DPYSL5: variants seen among roughly 807,000 people sequenced by gnomAD.
DPYSL5 encodes dihydropyrimidinase-related protein 5.
In DPYSL5, 9 loss-of-function variants were observed where a neutral mutation model predicts 58.4. The ratio of observed to expected loss-of-function variants is 0.15; its 90% confidence interval spans 0.09 to 0.27. The LOEUF is 0.27. DPYSL5 is among the 10% of genes least tolerant of loss of function. DPYSL5 has a pLI of 1.00. For missense variants in DPYSL5, 499 were observed against 770.6 expected (o/e 0.65, Z 4.17); for synonymous variants, 293 against 301.9 (o/e 0.97, Z 0.31).
At chr2:26,912,871 T>C (rs1285415558) in intron 2 of DPYSL5, among the ~76,000 whole-genome samples, 1 of 152,162 alleles carries the variant, frequency 6.6e-6, no homozygotes, top group Non-Finnish European at 1.5e-5. Context: ...TGCAGTTAGG[T>C]CCGATTTCAC....
chr2:26,907,486 C>T (rs1042194911), intron 2 of DPYSL5, among the ~76,000 whole-genome samples: 1 of 152,112 alleles, frequency 6.6e-6, no homozygotes, highest in Non-Finnish European at 1.5e-5. Flanking sequence ...TGCCTGATGT[C>T]GTGTCCCTGC....
intron 1 of DPYSL5, among the ~76,000 whole-genome samples, chr2:26,863,593 G>C (rs1422844347): frequency 1.3e-5 from 2 of 152,180 alleles, no homozygotes; most frequent in African/African-American, 4.8e-5. Flanking sequence ...CCCATACTAA[G>C]TGTGCAATGC....
intron 1 of DPYSL5, among the ~76,000 whole-genome samples, chr2:26,897,039 C>G (rs1445907786): frequency 6.6e-6 from 1 of 152,070 alleles, no homozygotes; most frequent in Non-Finnish European, 1.5e-5. Flanking sequence ...AACTTGTGGC[C>G]TTGCTTATTT....
chr2:26,879,596 T>A (rs1389738432), intron 1 of DPYSL5, among the ~76,000 whole-genome samples: 2 of 152,016 alleles, frequency 1.3e-5, no homozygotes, highest in Non-Finnish European at 2.9e-5. Context: ...GAAGTTAGCA[T>A]ATGGACCTCC....
intron 2 of DPYSL5, among the ~76,000 whole-genome samples, chr2:26,909,067 G>T (rs949365604): frequency 6.6e-6 from 1 of 152,138 alleles, no homozygotes; most frequent in Non-Finnish European, 1.5e-5. Context: ...TCATTTACAG[G>T]TAGAAATTTG....
In DPYSL5 at chr2:26,941,801, A is replaced by G. The variant is rs1053895964; in HGVS notation, c.1090-149A>G. On this transcript the variant is annotated intron_variant, in intron 9 of 12. Coordinates refer to ENST00000288699, the MANE Select transcript of DPYSL5 (RefSeq NM_020134.4). ...GGGACCCAGCCAAGCAGGCTGGCTCATCTGAGATGGTGCTCATGGCCTTGT... is the reference window on the plus strand; with the variant it reads ...GGGACCCAGCCAAGCAGGCTGGCTCGTCTGAGATGGTGCTCATGGCCTTGT... 9 of 1,045,868 alleles carry G rather than the reference A, an allele frequency of 8.6e-6. No homozygotes were observed. The African/African-American group carries it at 1.1e-4, about 13-fold the overall frequency. 64.8% of individuals were successfully genotyped at this position (1,045,868 alleles called of 1,614,324 possible). A position where few individuals can be genotyped will look rare whatever the true frequency, so the allele number is the denominator to read the frequency against.
At position 26,944,863 on chromosome 2, in the gene DPYSL5, G is replaced by A; in HGVS notation, c.1609+39G>A. On this transcript the variant is annotated intron_variant, in intron 12 of 12. Transcript: ENST00000288699. The surrounding 1 kb of genome is among the most constrained non-coding windows in gnomAD (Gnocchi z 4.4). Reference sequence around the variant, plus strand: ...GGCCACGGGAGGAGGATGGGGGTCTGGGAGAAGTGGCCCACCTAGGCAGTG... The same window carrying A: ...GGCCACGGGAGGAGGATGGGGGTCTAGGAGAAGTGGCCCACCTAGGCAGTG... The A allele has an allele frequency of 6.2e-7, 1 of 1,601,200 alleles. No individual in the cohort carries two copies. Among genetic ancestry groups the A allele is most frequent in the Non-Finnish European group, 8.5e-7 (1 of 1,172,124 alleles).
rs1408985925 is a variant in DPYSL5, at chr2:26,849,847, G to C, written c.-5+1593G>C. Reference sequence around the variant, plus strand: ...TGTGGGAGGCGCTCCCCCGGCCTGGGGGCCTGCAGACAGCCACCCCCCCAC... The same window carrying C: ...TGTGGGAGGCGCTCCCCCGGCCTGGCGGCCTGCAGACAGCCACCCCCCCAC... On this transcript the variant is annotated intron_variant, in intron 1 of 12. Coordinates refer to ENST00000288699, the MANE Select transcript of DPYSL5 (RefSeq NM_020134.4). This position sits in a 1 kb window ranked among gnomAD's most constrained non-coding sequence, Gnocchi z 6.2. 2.0e-5 allele frequency among the ~76,000 whole-genome samples: 3 copies of C among 152,330 alleles called. No individual in the cohort carries two copies. The highest frequency in any genetic ancestry group is 3.9e-4 in the East Asian group (2 of 5,168).
intron 8 of DPYSL5, among the ~76,000 whole-genome samples, chr2:26,936,018 G>T (rs1665165017): frequency 1.3e-5 from 2 of 152,188 alleles, no homozygotes; most frequent in Admixed American, 1.3e-4. Context: ...CAGGTCCATA[G>T]CCCACAGTCC....
intron 1 of DPYSL5, among the ~76,000 whole-genome samples, chr2:26,853,940 T>C (rs1217724520): frequency 6.6e-6 from 1 of 151,556 alleles, no homozygotes; most frequent in Non-Finnish European, 1.5e-5. Context: ...CTTGAGAGGG[T>C]GATGTCAGAG....
rs1406809457 is a variant in DPYSL5, at chr2:26,877,509, A to G, written c.-4-20987A>G. Among the ~76,000 whole-genome samples the G allele has an allele frequency of 6.6e-6, 1 of 152,162 alleles. No homozygotes were observed. Among genetic ancestry groups the G allele is most frequent in the African/African-American group, 2.4e-5 (1 of 41,440 alleles). On this transcript the variant is annotated intron_variant, in intron 1 of 12. Transcript: ENST00000288699. The surrounding 1 kb of genome is among the most constrained non-coding windows in gnomAD (Gnocchi z 4.1). ...CTGCTGAGTACATGCTGGGAAGATCATGTCAACCCTTGGAGCAGCTAGTGT... is the reference window on the plus strand; with the variant it reads ...CTGCTGAGTACATGCTGGGAAGATCGTGTCAACCCTTGGAGCAGCTAGTGT...
At chr2:26,893,057 G>T (rs1450290340) in intron 1 of DPYSL5, among the ~76,000 whole-genome samples, 2 of 152,076 alleles carry the variant, frequency 1.3e-5, no homozygotes, top group Non-Finnish European at 2.9e-5. Flanking sequence ...AGGGGAGCAG[G>T]GCCTCTTCTC....
At position 26,899,932 on chromosome 2, in the gene DPYSL5, T is replaced by C. The variant is rs1192904012; in HGVS notation, c.261+1172T>C. Among the ~76,000 whole-genome samples the C allele has an allele frequency of 3.3e-5, 5 of 152,300 alleles. No homozygotes were observed. In the East Asian group the frequency reaches 9.6e-4, roughly 29 times the overall value. On this transcript the variant is annotated intron_variant, in intron 2 of 12. Transcript: ENST00000288699. ...TTTGATTATGAAATGGGGAGCCCCA[T>C]CCTCATAAATTCAGGATCCTCTTGC...
intron 1 of DPYSL5, among the ~76,000 whole-genome samples, chr2:26,897,014 G>C (rs1338676776): frequency 6.6e-6 from 1 of 152,120 alleles, no homozygotes; most frequent in African/African-American, 2.4e-5. Flanking sequence ...GTAGCCTTTT[G>C]TATATTGATC....
intron 1 of DPYSL5, among the ~76,000 whole-genome samples, chr2:26,875,533 T>TCAGGGAGTCAGTATCTGG (rs755250977): frequency 1.3e-5 from 2 of 152,158 alleles, no homozygotes; most frequent in Admixed American, 6.5e-5. Context: ...AGGCTTGGGC[T>TCAGGGAGTCAGTATCTGG]CAGGGAGTCA....
In DPYSL5 at chr2:26,934,373, C is replaced by G. The variant is rs867343083; in HGVS notation, c.791-205C>G. 6.6e-6 allele frequency among the ~76,000 whole-genome samples: 1 copy of G among 152,182 alleles called. No individual in the cohort carries two copies. The highest frequency in any genetic ancestry group is 2.4e-5 in the African/African-American group (1 of 41,446). The stretch of plus-strand genomic sequence containing the variant: ...TCCTGCTGGGCCTCGGTGCCCATGT[C>G]CCTCTGTCCTCCTTGCCTAAGTCAG... On this transcript the variant is annotated intron_variant, in intron 7 of 12. Coordinates refer to ENST00000288699, the MANE Select transcript of DPYSL5 (RefSeq NM_020134.4). This position sits in a 1 kb window ranked among gnomAD's most constrained non-coding sequence, Gnocchi z 4.3.
chr2:26,864,938 G>A (rs1666104256), intron 1 of DPYSL5, among the ~76,000 whole-genome samples: 1 of 152,110 alleles, frequency 6.6e-6, no homozygotes, highest in Non-Finnish European at 1.5e-5. Context: ...GGCCCAAGAG[G>A]GTCAGAAATG....
Position 26,924,633 on chromosome 2 carries a change from T to C in DPYSL5, c.262-254T>C, listed in dbSNP as rs1466206740. Among the ~76,000 whole-genome samples the C allele has an allele frequency of 1.3e-5, 2 of 152,174 alleles. No individual in the cohort carries two copies. The highest frequency in any genetic ancestry group is 4.8e-5 in the African/African-American group (2 of 41,450). ...GTCGGGTGACCCACGATGTGGTTTT[T>C]CCAGCGCGCCAAGCTGAAACCCTGG... is the stretch of plus-strand genomic sequence containing the variant. On this transcript the variant is annotated intron_variant, in intron 2 of 12. Transcript: ENST00000288699. The surrounding 1 kb of genome is among the most constrained non-coding windows in gnomAD (Gnocchi z 4.7).
At chr2:26,913,970 A>AT (rs1491156737) in intron 2 of DPYSL5, among the ~76,000 whole-genome samples, 1 of 148,644 alleles carries the variant, frequency 6.7e-6, no homozygotes, top group Non-Finnish European at 1.5e-5. Flanking sequence ...AAAAAAAAAA[A>AT]GTGTTAGAGC....
Sources: allele counts gnomAD v4.1 joint callset (sites outside exome capture counted in the v4.1 genomes callset), GRCh38; gene constraint gnomAD v4.1.1; non-coding constraint Gnocchi (gnomAD v3.1); transcripts MANE v1.5; gene names NCBI Gene and HGNC (gene_info 2026-07-23, HGNC 2026-07-21).